The following ZNRF2 variants were observed in gnomAD, a reference collection of about 807,000 sequenced individuals.
ZNRF2 encodes the protein zinc and ring finger 2, also known as E3 ubiquitin-protein ligase ZNRF2.
In ZNRF2, 16 loss-of-function variants were observed where a neutral mutation model predicts 20.4. That is an observed-to-expected ratio of 0.79 (90% CI 0.53 to 1.19). The LOEUF is 1.19. ZNRF2 is among the 50% of genes most tolerant of loss of function. ZNRF2 has a pLI of 0.00. For missense variants in ZNRF2, 363 were observed against 332.4 expected (o/e 1.09, Z -0.72); for synonymous variants, 178 against 144.9 (o/e 1.23, Z -1.64).
rs535514077 is a variant in ZNRF2 at position 30,313,132 on chromosome 7, A to T, written c.470-10510A>T. Reference sequence around the variant, plus strand: ...TCTTAAGTTTTCTGCAACTGAAGGGAATTGGAAATGTGTTTGTTTAGAAAC... The same window carrying T: ...TCTTAAGTTTTCTGCAACTGAAGGGTATTGGAAATGTGTTTGTTTAGAAAC... On this transcript the variant is annotated intron_variant, in intron 1 of 4. Coordinates refer to ENST00000323037, the MANE Select transcript of ZNRF2 (RefSeq NM_147128.4). 2.6e-5 allele frequency among the ~76,000 whole-genome samples: 4 copies of T among 152,262 alleles called. No homozygotes were observed. The East Asian group carries it at 7.7e-4, about 29-fold the overall frequency.
intron 2 of ZNRF2, among the ~76,000 whole-genome samples, chr7:30,350,624 C>T (rs1290221638): frequency 1.3e-5 from 2 of 151,898 alleles, no homozygotes; most frequent in African/African-American, 2.4e-5. Context: ...GTTAATGTTA[C>T]GTTCTTTTAT....
intron 1 of ZNRF2, among the ~76,000 whole-genome samples, chr7:30,315,742 T>TGGGG (rs1799362861): frequency 2.1e-4 from 7 of 32,624 alleles, no homozygotes; most frequent in Admixed American, 1.0e-3. Flanking sequence ...GGGGGGGGGT[T>TGGGG]GGGTATAAAG....
chr7:30,305,840 A>T (rs1024216521), intron 1 of ZNRF2, among the ~76,000 whole-genome samples: 1 of 152,164 alleles, frequency 6.6e-6, no homozygotes, highest in Non-Finnish European at 1.5e-5. Context: ...GAAATTTTTC[A>T]TAAGACTTGT....
intron 3 of ZNRF2, among the ~76,000 whole-genome samples, chr7:30,357,267 G>T (rs1800055534): frequency 6.6e-6 from 1 of 152,138 alleles, no homozygotes; most frequent in African/African-American, 2.4e-5. Context: ...AGAACATAAA[G>T]CAAATCGCAG....
chr7:30,301,108 G>C (rs1327478997), intron 1 of ZNRF2, among the ~76,000 whole-genome samples: 1 of 152,182 alleles, frequency 6.6e-6, no homozygotes, highest in African/African-American at 2.4e-5. Flanking sequence ...TTATCAAGTG[G>C]CCTGGATTGA....
chr7:30,301,705 A>G (rs936512580), intron 1 of ZNRF2, among the ~76,000 whole-genome samples: 1 of 151,152 alleles, frequency 6.6e-6, no homozygotes, highest in Non-Finnish European at 1.5e-5. Flanking sequence ...TTTTTTAAAA[A>G]AAAAAAAAAA....
In ZNRF2 at chr7:30,367,688, T is replaced by C. The variant is rs1173721621; in HGVS notation, c.*1676T>C. The C allele has an allele frequency of 6.6e-6, 1 of 151,902 alleles. No individual in the cohort carries two copies. The highest frequency in any genetic ancestry group is 1.5e-5 in the Non-Finnish European group (1 of 67,786). 9.4% of individuals were successfully genotyped at this position (151,902 alleles called of 1,614,324 possible). ...TTAAAGAGTTTTTAATTGCTTTCTG[T>C]ATGATTCCAGCTCAGATAACATTTT... is the stretch of plus-strand genomic sequence containing the variant. On this transcript the variant is annotated 3_prime_UTR_variant, in exon 5 of 5. Coordinates refer to ENST00000323037, the MANE Select transcript of ZNRF2 (RefSeq NM_147128.4).
chr7:30,298,572 A>C (rs1044132894), intron 1 of ZNRF2, among the ~76,000 whole-genome samples: 1 of 152,234 alleles, frequency 6.6e-6, no homozygotes, highest in Non-Finnish European at 1.5e-5. Context: ...GCAGAGTGAG[A>C]AGAAGATTGA....
chr7:30,300,148 C>CTTTT (rs11312967), intron 1 of ZNRF2, among the ~76,000 whole-genome samples: 2 of 113,022 alleles, frequency 1.8e-5, no homozygotes, highest in African/African-American at 6.7e-5. Flanking sequence ...GAATACAAGT[C>CTTTT]TTTTTTTTTT....
intron 2 of ZNRF2, among the ~76,000 whole-genome samples, chr7:30,345,228 ACT>A (rs1345143288): frequency 6.6e-6 from 1 of 150,654 alleles, no homozygotes; most frequent in Middle Eastern, 3.5e-3. Context: ...CTAATTCTTA[ACT>A]CTTCATTTTC....
intron 1 of ZNRF2, among the ~76,000 whole-genome samples, chr7:30,291,648 A>G (rs1405101418): frequency 4.6e-5 from 7 of 152,224 alleles, no homozygotes; most frequent in Non-Finnish European, 7.3e-5. Context: ...AATGATAATG[A>G]GTTCCTTTCA....
chr7:30,359,881 TTTAGC>T (rs1187801281), intron 3 of ZNRF2, among the ~76,000 whole-genome samples: 19 of 152,224 alleles, frequency 1.2e-4, no homozygotes. Context: ...GCCCTGTTAC[TTTAGC>T]TTAAAGTTTT....
At chr7:30,293,022 A>G (rs544904708) in intron 1 of ZNRF2, among the ~76,000 whole-genome samples, 28 of 152,330 alleles carry the variant, frequency 1.8e-4, no homozygotes, top group African/African-American at 6.3e-4. Flanking sequence ...ATGAAAGATA[A>G]CAGTGGCTTG....
intron 1 of ZNRF2, among the ~76,000 whole-genome samples, chr7:30,321,045 C>A (rs188728457): frequency 3.3e-5 from 5 of 152,064 alleles, no homozygotes; most frequent in African/African-American, 4.8e-5. Flanking sequence ...TTTTTCAGTT[C>A]GGAGATCTTT....
chr7:30,305,213 C>T (rs1236295057), intron 1 of ZNRF2, among the ~76,000 whole-genome samples: 1 of 152,096 alleles, frequency 6.6e-6, no homozygotes, highest in Non-Finnish European at 1.5e-5. Flanking sequence ...TTTTTTTCCC[C>T]TGGAGAACAG....
Position 30,285,310 on chromosome 7 carries a change from C to A in ZNRF2, c.-48C>A. The A allele has an allele frequency of 9.4e-7, 1 of 1,066,316 alleles. No homozygotes were observed. 66.1% of individuals were successfully genotyped at this position (1,066,316 alleles called of 1,614,324 possible). ...AGCTCCCGCGCTCGCTCCCGCCCTC[C>A]CGGCTCTCGGGGCGCAGCGCGCGGG... is the stretch of plus-strand genomic sequence containing the variant. On this transcript the variant is annotated 5_prime_UTR_variant, in exon 1 of 5. Coordinates refer to ENST00000323037, the MANE Select transcript of ZNRF2 (RefSeq NM_147128.4).
chr7:30,342,271 T>C (rs1213119878), intron 2 of ZNRF2, among the ~76,000 whole-genome samples: 6 of 152,214 alleles, frequency 3.9e-5, no homozygotes, highest in Non-Finnish European at 5.9e-5. Flanking sequence ...CCTGTCGTTA[T>C]GATGCTAGCT....
rs1422504026 is a variant in ZNRF2 at position 30,284,931 on chromosome 7, G to A, written c.-427G>A. On this transcript the variant is annotated 5_prime_UTR_variant, in exon 1 of 5. Coordinates refer to ENST00000323037, the MANE Select transcript of ZNRF2 (RefSeq NM_147128.4). ...CCGCCAGCCGCCGTGGGAGCCGGAG[G>A]ATGGCGGCGGTAGCAGCGGCCGCCC... The A allele has an allele frequency of 3.9e-6, 1 of 257,428 alleles. No individual in the cohort carries two copies. The highest frequency in any genetic ancestry group is 1.8e-4 in the East Asian group (1 of 5,602). The allele number at this position is 257,428 out of a possible 1,614,324, so 15.9% of individuals were successfully genotyped here.
intron 1 of ZNRF2, among the ~76,000 whole-genome samples, chr7:30,302,021 G>C (rs983472599): frequency 4.6e-5 from 7 of 152,164 alleles, no homozygotes; most frequent in Non-Finnish European, 8.8e-5. Flanking sequence ...AAACTCTAGA[G>C]GAATTTGAGA....
Sources: allele counts gnomAD v4.1 joint callset (sites outside exome capture counted in the v4.1 genomes callset), GRCh38; gene constraint gnomAD v4.1.1; transcripts MANE v1.5; gene names NCBI Gene and HGNC (gene_info 2026-07-23, HGNC 2026-07-21).